NFATC4: variants seen among roughly 807,000 people sequenced by gnomAD.
NFATC4 encodes nuclear factor of activated T-cells, cytoplasmic 4.
A neutral mutation model predicts 73.4 loss-of-function variants in NFATC4; 25 were observed. The ratio of observed to expected loss-of-function variants is 0.34; its 90% CI spans 0.25 to 0.48. The LOEUF (loss-of-function observed/expected upper bound fraction) is 0.48, where lower values mean the gene tolerates loss of function less well. NFATC4 is among the 20% of genes least tolerant of loss of function. The pLI, the probability that NFATC4 is intolerant of heterozygous loss-of-function variation, is 0.99. For missense variants in NFATC4, 1,130 were observed against 1,203.7 expected (o/e 0.94, Z 0.91); for synonymous variants, 523 against 510.3 (o/e 1.02, Z -0.34).
rs773349405 is a variant in NFATC4 at position 24,373,141 on chromosome 14, A to G, written c.1360-30A>G. 3 of 1,606,704 alleles carry G rather than the reference A, an allele frequency of 1.9e-6. No homozygotes were observed. In the South Asian group the frequency reaches 3.3e-5, roughly 18 times the overall value. On this transcript the variant is annotated intron_variant, in intron 3 of 9. Coordinates refer to ENST00000250373, the MANE Select transcript of NFATC4 (RefSeq NM_004554.5). The surrounding 1 kb of genome is among the most constrained non-coding windows in gnomAD (Gnocchi z 4.7). Reference sequence around the variant, plus strand: ...TAAAGGATGAGACGGTGGGGATTTCAATGAGGTGGCCGCTCTCTCCCTCTG... The same window carrying G: ...TAAAGGATGAGACGGTGGGGATTTCGATGAGGTGGCCGCTCTCTCCCTCTG...
intron 1 of NFATC4, chr14:24,369,228 C>A: frequency 6.5e-7 from 1 of 1,535,544 alleles, no homozygotes; most frequent in South Asian, 1.2e-5. Flanking sequence ...TCCAGCCCCT[C>A]TGGACCCACC....
upstream of NFATC4, chr14:24,367,456 A>T (rs2042337490): frequency 6.5e-7 from 1 of 1,535,676 alleles, no homozygotes. Context: ...GCAGCGGCAA[A>T]GCCTGGCCTG....
chr14:24,376,395 C>A lies in NFATC4; in HGVS notation c.2158C>A (p.Pro720Thr), dbSNP rs754339452. 1.2e-6 allele frequency: 2 copies of A among 1,613,110 alleles called. No individual in the cohort carries two copies. Among genetic ancestry groups the A allele is most frequent in the Admixed American group, 1.7e-5 (1 of 59,934 alleles). ...TGACATGGACTTCTCACCACCCAGG[C>A]CCCCCTACCCCTCCTATCCCCATGA... ...GTDMDFSPPR[P>T]PYPSYPHEDP... Residue 720 changes from proline to threonine, a missense_variant, in exon 9 of 10, where the codon CCC becomes ACC. Physicochemically the swap from Pro to Thr is conservative, Grantham distance 38 (BLOSUM62 -1). This residue lies in a region of NFATC4 where 390 missense variants were observed against 408.1 expected (regional missense o/e 0.96). Transcript: ENST00000250373. This position sits in a 1 kb window ranked among gnomAD's most constrained non-coding sequence, Gnocchi z 5.0.
In NFATC4 at chr14:24,377,779, T is replaced by C. The variant is rs2042668026; in HGVS notation, c.*74T>C. ...TGCCCCCTTTCCCTCCTTCCTGGAG[T>C]GGTGGCTACAGAAGCTTGGGGCCAA... On this transcript the variant is annotated 3_prime_UTR_variant, in exon 10 of 10. Coordinates refer to ENST00000250373, the MANE Select transcript of NFATC4 (RefSeq NM_004554.5). This position sits in a 1 kb window ranked among gnomAD's most constrained non-coding sequence, Gnocchi z 4.2. 1 of 1,610,734 alleles carries C rather than the reference T, an allele frequency of 6.2e-7. No individual in the cohort carries two copies. Among genetic ancestry groups the C allele is most frequent in the African/African-American group, 1.3e-5 (1 of 74,852 alleles).
Position 24,376,565 on chromosome 14 carries a change from A to G in NFATC4, c.2328A>G (p.Gln776=). The G allele has an allele frequency of 6.2e-7, 1 of 1,613,898 alleles. No homozygotes were observed. Among genetic ancestry groups the G allele is most frequent in the Non-Finnish European group, 8.5e-7 (1 of 1,179,950 alleles). ...CTAGGGGTACCACAGGTTGTGCCCA[A>G]CCACCTGCAGTTTCCTTCCTTCCCC... ...PETRGTTGCA[Q]PPAVSFLPRP... Residue 776 remains glutamine, a synonymous_variant, in exon 9 of 10, where the codon CAA becomes CAG. Transcript: ENST00000250373. The surrounding 1 kb of genome is among the most constrained non-coding windows in gnomAD (Gnocchi z 5.0).
upstream of NFATC4, among the ~76,000 whole-genome samples, chr14:24,367,839 C>A (rs2042347208): frequency 6.6e-6 from 1 of 152,156 alleles, no homozygotes; most frequent in Non-Finnish European, 1.5e-5. Flanking sequence ...ACCCTGGGGG[C>A]CCAGGATGTG....
rs370618738 is a variant in NFATC4, at chr14:24,373,156, C to G, written c.1360-15C>G. 6.8e-6 allele frequency: 11 copies of G among 1,612,374 alleles called. No individual in the cohort carries two copies. Among genetic ancestry groups the G allele is most frequent in the Middle Eastern group, 3.3e-4 (2 of 6,068 alleles). The stretch of plus-strand genomic sequence containing the variant: ...TGGGGATTTCAATGAGGTGGCCGCT[C>G]TCTCCCTCTGCCAGCTCCTAGGCTA... On this transcript the variant is annotated splice_polypyrimidine_tract_variant and intron_variant, in intron 3 of 9. Coordinates refer to ENST00000250373, the MANE Select transcript of NFATC4 (RefSeq NM_004554.5). This position sits in a 1 kb window ranked among gnomAD's most constrained non-coding sequence, Gnocchi z 4.7.
At position 24,377,163 on chromosome 14, in the gene NFATC4, T is replaced by C. The variant is rs2042646504; in HGVS notation, c.2641+285T>C. The C allele has an allele frequency of 2.3e-6, 3 of 1,293,340 alleles. No individual in the cohort carries two copies. In the South Asian group the frequency reaches 8.9e-5, roughly 38 times the overall value. The allele number at this position is 1,293,340 out of a possible 1,614,324, so 80.1% of individuals were successfully genotyped here. A position where few individuals can be genotyped will look rare whatever the true frequency, so the allele number is the denominator to read the frequency against. On this transcript the variant is annotated intron_variant, in intron 9 of 9. Transcript: ENST00000250373. The surrounding 1 kb of genome is among the most constrained non-coding windows in gnomAD (Gnocchi z 4.2). ...AGAGCTAGAAGCACTTTCAAGATCATTCCATCCAGCGCATTCAATTTGCAA... is the reference window on the plus strand; with the variant it reads ...AGAGCTAGAAGCACTTTCAAGATCACTCCATCCAGCGCATTCAATTTGCAA...
intron 2 of NFATC4, 70 bp downstream of exon 2, chr14:24,370,664 G>A (rs2042451589): frequency 1.3e-6 from 2 of 1,527,202 alleles, no homozygotes; most frequent in Non-Finnish European, 1.8e-6. Flanking sequence ...GTCAAGGGAT[G>A]GATTTGAAGA....
Position 24,377,361 on chromosome 14 carries a change from T to C in NFATC4, c.2642-277T>C. 1 of 1,344,776 alleles carries C rather than the reference T, an allele frequency of 7.4e-7. No homozygotes were observed. The highest frequency in any genetic ancestry group is 9.5e-7 in the Non-Finnish European group (1 of 1,048,260). The allele number at this position is 1,344,776 out of a possible 1,614,324, so 83.3% of individuals were successfully genotyped here. A position where few individuals can be genotyped will look rare whatever the true frequency, so the allele number is the denominator to read the frequency against. ...CATTGGCTACACCCATCTCTGGCCC[T>C]GCTGATACCGATTCCCCTGACATTT... On this transcript the variant is annotated intron_variant, in intron 9 of 9. Transcript: ENST00000250373. The surrounding 1 kb of genome is among the most constrained non-coding windows in gnomAD (Gnocchi z 4.2).
Position 24,368,295 on chromosome 14 carries a change from TC to T in NFATC4, c.-40del. On this transcript the variant is annotated 5_prime_UTR_variant, in exon 1 of 10. Coordinates refer to ENST00000250373, the MANE Select transcript of NFATC4 (RefSeq NM_004554.5). ...GTGAAGATACAGCAGCCTCCTGAAC[TC>T]CCCCCTCCCACCCAGGCCGGGACCT... 4.4e-6 allele frequency: 6 copies of T among 1,368,640 alleles called. No homozygotes were observed. The South Asian group carries it at 5.8e-5, about 13-fold the overall frequency. 84.8% of individuals were successfully genotyped at this position (1,368,640 alleles called of 1,614,324 possible).
intron 2 of NFATC4, among the ~76,000 whole-genome samples, chr14:24,370,907 C>T (rs539533262): frequency 1.3e-5 from 2 of 152,248 alleles, no homozygotes; most frequent in African/African-American, 4.8e-5. Flanking sequence ...TAGAGTGCTC[C>T]CAAGCCCCCG....
upstream of NFATC4, chr14:24,367,138 C>G (rs752801269): frequency 1.2e-6 from 2 of 1,613,996 alleles, no homozygotes; most frequent in African/African-American, 2.7e-5. Context: ...CTAACTCCCT[C>G]TCACACAACC....
upstream of NFATC4, chr14:24,367,621 G>A: frequency 6.5e-7 from 1 of 1,536,154 alleles, no homozygotes; most frequent in Non-Finnish European, 8.7e-7. Flanking sequence ...GCAGCGCAAA[G>A]ACTTCCAGAA....
At chr14:24,375,565 G>C (rs945328115) in intron 6 of NFATC4, 95 bp from the exon 7 acceptor site, 13 of 1,318,546 alleles carry the variant, frequency 9.9e-6, no homozygotes, top group Middle Eastern at 1.8e-4. Context: ...TTCTGAATTT[G>C]GCCTTGGCTC....
chr14:24,367,370 A>T (rs765350835), upstream of NFATC4: 4 of 1,536,046 alleles, frequency 2.6e-6, no homozygotes, highest in Non-Finnish European at 3.5e-6. Flanking sequence ...TTCATTCCAG[A>T]CTACAGTTCT....
rs371301060 is a variant in NFATC4, at chr14:24,369,818, C to A, written c.420C>A (p.Asp140Glu). ...AGGACAACCCTGATGCCTGGGGGGA[C>A]GGCTCTCCTAGAGATTACCCCCCAC... Reference protein sequence around the residue: ...ALEDNPDAWGDGSPRDYPPPE... With the variant: ...ALEDNPDAWGEGSPRDYPPPE... The change falls in exon 2 of 10, where the codon GAC becomes GAA. Residue 140 changes from aspartate (D) to glutamate (E), a missense_variant. Physicochemically the swap from Asp to Glu is conservative, Grantham distance 45. This residue lies in a region of NFATC4 where 585 missense variants were observed against 574.3 expected (regional missense o/e 1.02). Transcript: ENST00000250373. The A allele has an allele frequency of 9.4e-6, 15 of 1,599,294 alleles. No homozygotes were observed. The highest frequency in any genetic ancestry group is 1.3e-5 in the Non-Finnish European group (15 of 1,172,974).
Position 24,370,327 on chromosome 14 carries a change from G to C in NFATC4, c.929G>C (p.Gly310Ala). 2 of 1,611,912 alleles carry C rather than the reference G, an allele frequency of 1.2e-6. No homozygotes were observed. Among genetic ancestry groups the C allele is most frequent in the Admixed American group, 1.7e-5 (1 of 59,984 alleles). ...PPPLPLARDP[G>A]SPGPFDYVGA... ...CCATTGCCTCTGGCCCGGGACCCGG[G>C]CTCCCCTGGTCCCTTTGACTATGTG... The change falls in exon 2 of 10, where the codon GGC (glycine) becomes GCC (alanine). Residue 310 changes from glycine to alanine, a missense_variant. Gly to Ala is a moderately conservative substitution (Grantham distance 60). Coordinates refer to ENST00000250373, the MANE Select transcript of NFATC4 (RefSeq NM_004554.5).
Position 24,370,082 on chromosome 14 carries a change from A to T in NFATC4, c.684A>T (p.Glu228Asp). Residue 228 changes from glutamate to aspartate, a missense_variant, in exon 2 of 10, where the codon GAA (glutamate) becomes GAT (aspartate). Around this residue, in one of 3 missense-constraint regions of NFATC4, gnomAD observed 585 missense variants for 574.3 expected, o/e 1.02. Transcript: ENST00000250373. ...CCTCCCCTCGGCCATGGACCCCCGAAGATCCCTGGAGCCTGTATGGTCCAA... is the reference window on the plus strand; with the variant it reads ...CCTCCCCTCGGCCATGGACCCCCGATGATCCCTGGAGCCTGTATGGTCCAA... ...PRASPRPWTP[E>D]DPWSLYGPSP... The T allele has an allele frequency of 6.2e-7, 1 of 1,605,058 alleles. No homozygotes were observed. Among genetic ancestry groups the T allele is most frequent in the Non-Finnish European group, 8.5e-7 (1 of 1,179,790 alleles).
Sources: allele counts gnomAD v4.1 joint callset (sites outside exome capture counted in the v4.1 genomes callset), GRCh38; gene constraint gnomAD v4.1.1; regional missense constraint gnomAD v4.1.1; non-coding constraint Gnocchi (gnomAD v3.1); transcripts MANE v1.5; gene names NCBI Gene and HGNC (gene_info 2026-07-23, HGNC 2026-07-21).